Variants in ERCC6L2 observed in about 807,000 individuals in gnomAD.
ERCC6L2 encodes ERCC excision repair 6 like 2.
Under a neutral mutation model 132.0 loss-of-function variants are expected in ERCC6L2, and 77 were observed. The ratio of observed to expected loss-of-function variants is 0.58; its 90% CI spans 0.49 to 0.71. The LOEUF (loss-of-function observed/expected upper bound fraction) is 0.71, where lower values mean the gene tolerates loss of function less well. Among genes scored for constraint, ERCC6L2 ranks in the 30% least tolerant of loss-of-function variants. ERCC6L2 has a pLI of 0.00. For synonymous variants in ERCC6L2, 583 were observed against 632.4 expected (o/e 0.92, Z 1.17); for missense variants, 1,542 against 1,837.6 (o/e 0.84, Z 2.94).
chr9:95,915,921 C>A, intron 5 of ERCC6L2, 92 bp downstream of exon 5: 1 of 1,266,004 alleles, frequency 7.9e-7, no homozygotes, highest in Non-Finnish European at 1.1e-6. Context: ...ACAAACGAAA[C>A]AGTCATTTGT....
intron 12 of ERCC6L2, among the ~76,000 whole-genome samples, chr9:95,944,380 G>A (rs952694608): frequency 6.6e-6 from 1 of 152,150 alleles, no homozygotes; most frequent in Admixed American, 6.5e-5. Context: ...GAGGAATGGG[G>A]AATTATTGTG....
chr9:96,031,203 G>A (rs1834454918), intron 19 of ERCC6L2, among the ~76,000 whole-genome samples: 1 of 152,198 alleles, frequency 6.6e-6, no homozygotes, highest in Non-Finnish European at 1.5e-5. Context: ...AGTGTCTAAT[G>A]GAGAGAGATC....
intron 1 of ERCC6L2, among the ~76,000 whole-genome samples, chr9:95,879,728 A>C (rs1277622423): frequency 6.6e-6 from 1 of 152,222 alleles, no homozygotes; most frequent in Non-Finnish European, 1.5e-5. Flanking sequence ...CAACTGATGG[A>C]TGAGGAATTT....
At chr9:95,999,127 G>A (rs1330803081) in intron 17 of ERCC6L2, among the ~76,000 whole-genome samples, 10 of 152,176 alleles carry the variant, frequency 6.6e-5, no homozygotes, top group African/African-American at 1.9e-4. Flanking sequence ...TTGGGAGGTC[G>A]AGGCAGGCAG....
intron 17 of ERCC6L2, among the ~76,000 whole-genome samples, chr9:95,987,761 A>G (rs753416466): frequency 5.9e-5 from 9 of 151,990 alleles, no homozygotes; most frequent in Non-Finnish European, 1.3e-4. Context: ...CCTATTGGGA[A>G]CTCTGTGTGG....
intron 13 of ERCC6L2, among the ~76,000 whole-genome samples, chr9:95,963,372 TC>T (rs1167679151): frequency 6.6e-6 from 1 of 151,948 alleles, no homozygotes; most frequent in African/African-American, 2.4e-5. Context: ...AGTATGTATT[TC>T]CCCAAAGAAG....
At chr9:95,917,200 C>T (rs978620908) in intron 6 of ERCC6L2, among the ~76,000 whole-genome samples, 11 of 152,160 alleles carry the variant, frequency 7.2e-5, no homozygotes, top group African/African-American at 2.2e-4. Context: ...TTTGCAGTTA[C>T]ACAACTAACC....
intron 4 of ERCC6L2, among the ~76,000 whole-genome samples, chr9:95,913,518 G>C (rs966286735): frequency 6.6e-6 from 1 of 152,120 alleles, no homozygotes; most frequent in Non-Finnish European, 1.5e-5. Flanking sequence ...CTATGGACTT[G>C]AGGATTATTG....
intron 17 of ERCC6L2, among the ~76,000 whole-genome samples, chr9:95,999,743 A>T (rs1198849894): frequency 6.6e-6 from 1 of 151,412 alleles, no homozygotes; most frequent in Non-Finnish European, 1.5e-5. Flanking sequence ...GTAACGAATG[A>T]TTATTTTCTT....
intron 12 of ERCC6L2, among the ~76,000 whole-genome samples, chr9:95,946,670 C>T (rs1038446140): frequency 6.6e-6 from 1 of 152,126 alleles, no homozygotes; most frequent in Non-Finnish European, 1.5e-5. Flanking sequence ...TATTGTGCTT[C>T]ACAGATAATT....
Position 95,881,071 on chromosome 9 carries a change from AT to A in ERCC6L2, c.252del (p.Phe84LeufsTer6). 6.2e-7 allele frequency: 1 copy of A among 1,613,580 alleles called. No homozygotes were observed. Among genetic ancestry groups the A allele is most frequent in the Non-Finnish European group, 8.5e-7 (1 of 1,179,680 alleles). On this transcript the variant is annotated frameshift_variant, in exon 2 of 19. Transcript: ENST00000653738. LOFTEE classifies it high-confidence loss of function. ...FVKDCPRNLI[F>X]DDEDLEKPYF... ...TTAAAGATTGCCCTAGGAATCTTATATTTGATGATGAAGATTTAGAAAAACC... is the reference window on the plus strand; with the variant it reads ...TTAAAGATTGCCCTAGGAATCTTATATTGATGATGAAGATTTAGAAAAACC...
chr9:95,881,377 T>A, intron 2 of ERCC6L2, 84 bp downstream of exon 2: 1 of 1,046,976 alleles, frequency 9.6e-7, no homozygotes, highest in East Asian at 2.6e-5. Flanking sequence ...TGTACTGCTG[T>A]TACGATAGCT....
At chr9:95,947,468 G>A (rs1831117049) in intron 12 of ERCC6L2, among the ~76,000 whole-genome samples, 1 of 152,218 alleles carries the variant, frequency 6.6e-6, no homozygotes, top group African/African-American at 2.4e-5. Context: ...ACAAAAAAGT[G>A]CAAGGTGAAG....
At chr9:95,921,069 C>T (rs1278042886) in intron 6 of ERCC6L2, 106 bp from the exon 7 acceptor site, 3 of 1,111,616 alleles carry the variant, frequency 2.7e-6, no homozygotes, top group East Asian at 2.8e-5. Context: ...GCCTCTGCGC[C>T]CGGCCAGTTT....
intron 13 of ERCC6L2, among the ~76,000 whole-genome samples, chr9:95,959,736 C>CA (rs948697412): frequency 7.4e-5 from 11 of 147,840 alleles, no homozygotes; most frequent in East Asian, 2.0e-4. Flanking sequence ...AGACACTTCT[C>CA]AAAAAAAAAT....
At chr9:96,039,190 C>T (rs1834551435) in intron 20 of ERCC6L2, among the ~76,000 whole-genome samples, 1 of 152,218 alleles carries the variant, frequency 6.6e-6, no homozygotes, top group African/African-American at 2.4e-5. Flanking sequence ...GTTAGCAGCA[C>T]TGGATAACTC....
chr9:95,971,093 A>C (rs1832390183), intron 15 of ERCC6L2, among the ~76,000 whole-genome samples: 1 of 152,106 alleles, frequency 6.6e-6, no homozygotes, highest in Non-Finnish European at 1.5e-5. Flanking sequence ...TTGTCATCTC[A>C]TGTACCACCA....
chr9:96,003,938 TAGGC>T (rs1469809958), intron 17 of ERCC6L2, among the ~76,000 whole-genome samples: 2 of 152,236 alleles, frequency 1.3e-5, no homozygotes, highest in Admixed American at 6.5e-5. Context: ...AAATTTATGT[TAGGC>T]AGGCAATTCA....
intron 18 of ERCC6L2, among the ~76,000 whole-genome samples, chr9:96,005,969 C>T (rs1833849537): frequency 6.6e-6 from 1 of 152,114 alleles, no homozygotes; most frequent in African/African-American, 2.4e-5. Flanking sequence ...CTGTTTTGAG[C>T]AACAGAGTGG....
Sources: allele counts gnomAD v4.1 joint callset (sites outside exome capture counted in the v4.1 genomes callset), GRCh38; gene constraint gnomAD v4.1.1; transcripts MANE v1.5; gene names NCBI Gene and HGNC (gene_info 2026-07-23, HGNC 2026-07-21).